ZNF438: variants seen among roughly 807,000 people sequenced by gnomAD.
ZNF438 encodes the protein zinc finger protein 438.
Under a neutral mutation model 38.0 loss-of-function variants are expected in ZNF438, and 25 were observed. The ratio of observed to expected loss-of-function variants is 0.66; its 90% confidence interval spans 0.48 to 0.92. The LOEUF (loss-of-function observed/expected upper bound fraction) is 0.92, where lower values mean the gene tolerates loss of function less well. ZNF438 is among the 40% of genes least tolerant of loss of function. ZNF438 has a pLI of 0.00. For missense variants in ZNF438, 1,007 were observed against 999.6 expected, an observed-to-expected ratio of 1.01 and a Z score of -0.10; for synonymous variants, 372 against 364.1, an observed-to-expected ratio of 1.02 and a Z score of -0.25.
intron 1 of ZNF438, among the ~76,000 whole-genome samples, chr10:30,944,460 A>AT (rs1257290644): frequency 1.3e-5 from 2 of 152,220 alleles, no homozygotes. Flanking sequence ...ACCAACAGGG[A>AT]TGTAAAGTAA....
intron 3 of ZNF438, among the ~76,000 whole-genome samples, chr10:30,888,361 A>AC (rs57461050): frequency 0.035 from 5,388 of 151,832 alleles, 299 homozygotes; most frequent in African/African-American, 0.12. Flanking sequence ...ACACACACAC[A>AC]AACACACACA....
intron 3 of ZNF438, among the ~76,000 whole-genome samples, chr10:30,885,950 A>G (rs912052567): frequency 3.9e-5 from 6 of 152,202 alleles, no homozygotes; most frequent in African/African-American, 1.4e-4. Flanking sequence ...GAGGAATCCT[A>G]CGTAACTCCA....
At chr10:31,027,576 A>T (rs1181726028) in intron 1 of ZNF438, among the ~76,000 whole-genome samples, 1 of 152,122 alleles carries the variant, frequency 6.6e-6, no homozygotes, top group East Asian at 1.9e-4. Context: ...AAAAGTCAAT[A>T]ACACCTGAGC....
rs914240957 is a variant in ZNF438, at chr10:30,961,848, A to ACTG, written c.-191-20200_-191-20198dup. ...GGTTGCAGTGGGCCGAGATTGCACC[A>ACTG]CTGCTCTCCAGCCTGGGTGACAGAG... On this transcript the variant is annotated intron_variant, in intron 1 of 5. Transcript: ENST00000413025. Among the ~76,000 whole-genome samples, 28 of 140,688 alleles carry ACTG rather than the reference A, an allele frequency of 2.0e-4. 2 individuals carry two copies. Among genetic ancestry groups the ACTG allele is most frequent in the African/African-American group, 6.0e-4 (24 of 40,200 alleles). 92.3% of individuals were successfully genotyped at this position (140,688 alleles called of 152,430 possible). A position where few individuals can be genotyped will look rare whatever the true frequency, so the allele number is the denominator to read the frequency against.
chr10:30,847,807 G>A (rs1035223132), intron 5 of ZNF438, among the ~76,000 whole-genome samples: 2 of 152,258 alleles, frequency 1.3e-5, no homozygotes, highest in Non-Finnish European at 2.9e-5. Context: ...TGCAGCAGCA[G>A]CCGGCGTGCC....
At chr10:30,963,103 C>G (rs750439698) in intron 1 of ZNF438, among the ~76,000 whole-genome samples, 7 of 151,986 alleles carry the variant, frequency 4.6e-5, no homozygotes, top group Non-Finnish European at 8.8e-5. Context: ...GTGAAAGAAA[C>G]TTTAAGAGGT....
At chr10:31,015,916 A>C (rs1240958965) in intron 1 of ZNF438, among the ~76,000 whole-genome samples, 1 of 152,202 alleles carries the variant, frequency 6.6e-6, no homozygotes, top group African/African-American at 2.4e-5. Context: ...TAGGGGCACC[A>C]GTTCTATCTG....
chr10:30,871,584 A>C (rs2037417047), intron 4 of ZNF438, among the ~76,000 whole-genome samples: 1 of 152,216 alleles, frequency 6.6e-6, no homozygotes, highest in African/African-American at 2.4e-5. Context: ...CTCCTCCCTA[A>C]GTATGCCTTA....
chr10:30,958,792 A>T (rs997684690), intron 1 of ZNF438, among the ~76,000 whole-genome samples: 1 of 147,074 alleles, frequency 6.8e-6, no homozygotes, highest in Non-Finnish European at 1.5e-5. Flanking sequence ...TAGAAATTTC[A>T]TAAGTGAAAT....
At chr10:31,001,991 G>C (rs2054706345) in intron 1 of ZNF438, among the ~76,000 whole-genome samples, 1 of 152,164 alleles carries the variant, frequency 6.6e-6, no homozygotes, top group African/African-American at 2.4e-5. Context: ...CTGCTCTCAA[G>C]AGATGGAAAG....
chr10:30,904,867 C>T (rs1191621449), intron 3 of ZNF438, among the ~76,000 whole-genome samples: 10 of 152,196 alleles, frequency 6.6e-5, no homozygotes, highest in African/African-American at 1.9e-4. Flanking sequence ...CTTAAGAGAA[C>T]TGTCCCTGAC....
Position 31,014,228 on chromosome 10 carries a change from T to C in ZNF438, c.-192+17605A>G, listed in dbSNP as rs74134365. On this transcript the variant is annotated intron_variant, in intron 1 of 5. Transcript: ENST00000413025. ...CACAGTTAGGAGCATAGGCTTTGTC[T>C]TTGTCTGAGCTACCACAACAACAGA... Among the ~76,000 whole-genome samples, 243 of 152,312 alleles carry C rather than the reference T, an allele frequency of 1.6e-3. 1 individual carries two copies. The highest frequency in any genetic ancestry group is 5.1e-3 in the African/African-American group (213 of 41,556).
At chr10:30,882,430 T>C (rs2039392883) in intron 3 of ZNF438, among the ~76,000 whole-genome samples, 1 of 152,206 alleles carries the variant, frequency 6.6e-6, no homozygotes. Flanking sequence ...GCAGCTATAT[T>C]TGTAGTAGTT....
At chr10:30,947,791 G>A (rs983423730) in intron 1 of ZNF438, among the ~76,000 whole-genome samples, 1 of 152,184 alleles carries the variant, frequency 6.6e-6, no homozygotes, top group South Asian at 2.1e-4. Context: ...CGATTTTCCA[G>A]GTGCCATCTG....
At chr10:30,895,225 C>G (rs1023981878) in intron 3 of ZNF438, among the ~76,000 whole-genome samples, 3 of 152,196 alleles carry the variant, frequency 2.0e-5, no homozygotes, top group African/African-American at 7.2e-5. Flanking sequence ...CAATCTATTT[C>G]TAGATCCACT....
At chr10:30,882,772 TTGATTA>T (rs1280425552) in intron 3 of ZNF438, among the ~76,000 whole-genome samples, 1 of 152,220 alleles carries the variant, frequency 6.6e-6, no homozygotes, top group Non-Finnish European at 1.5e-5. Flanking sequence ...ATTCATTATC[TTGATTA>T]TGATTAAGGT....
At chr10:30,932,075 G>A (rs2045757434) in intron 2 of ZNF438, among the ~76,000 whole-genome samples, 1 of 152,104 alleles carries the variant, frequency 6.6e-6, no homozygotes, top group African/African-American at 2.4e-5. Context: ...ACAGGCCATT[G>A]TGCTCAGCAA....
chr10:30,953,548 G>A (rs562418883), intron 1 of ZNF438, among the ~76,000 whole-genome samples: 1 of 150,140 alleles, frequency 6.7e-6, no homozygotes, highest in African/African-American at 2.4e-5. Flanking sequence ...GCAGTATTGA[G>A]AAATATTTCA....
intron 2 of ZNF438, among the ~76,000 whole-genome samples, chr10:30,939,096 A>G (rs962375512): frequency 1.3e-5 from 2 of 152,208 alleles, no homozygotes; most frequent in African/African-American, 4.8e-5. Flanking sequence ...TCCTGGCCTG[A>G]AGGCAAACTA....
Sources: allele counts gnomAD v4.1 joint callset (sites outside exome capture counted in the v4.1 genomes callset), GRCh38; gene constraint gnomAD v4.1.1; transcripts MANE v1.5; gene names NCBI Gene and HGNC (gene_info 2026-07-23, HGNC 2026-07-21).